Variants in CBX2 observed in about 807,000 individuals in gnomAD.
The protein encoded by CBX2 is chromobox protein homolog 2.
CBX2 carries 11 observed loss-of-function variants against 21.0 expected under a neutral mutation model. The observed-to-expected ratio is 0.52, with a 90% CI of 0.33 to 0.87. The LOEUF (loss-of-function observed/expected upper bound fraction) is 0.87, where lower values mean the gene tolerates loss of function less well. Among genes scored for constraint, CBX2 ranks in the 40% least tolerant of loss-of-function variants. The probability of loss-of-function intolerance (pLI) is 0.02; values close to 1 mark genes in which losing one functional copy is unlikely to be tolerated. For synonymous variants in CBX2, 364 were observed against 304.6 expected (o/e 1.19, Z -2.03); for missense variants, 746 against 724.3 (o/e 1.03, Z -0.34).
At chr17:79,782,092 C>G (rs1568500796) in intron 4 of CBX2, 2 of 1,613,644 alleles carry the variant, frequency 1.2e-6, no homozygotes, top group East Asian at 2.2e-5. Flanking sequence ...GACAAGCACT[C>G]TTCCCTCCCA....
Position 79,784,225 on chromosome 17 carries a change from A to T in CBX2, c.782A>T (p.Asn261Ile). The T allele has an allele frequency of 6.2e-7, 1 of 1,612,888 alleles. No homozygotes were observed. Among genetic ancestry groups the T allele is most frequent in the Non-Finnish European group, 8.5e-7 (1 of 1,179,934 alleles). The change falls in exon 5 of 5, where the codon AAC becomes ATC. Residue 261 changes from asparagine (N) to isoleucine (I), a missense_variant. Physicochemically the swap from Asn to Ile is moderately radical, Grantham distance 149. Around this residue, in one of 2 missense-constraint regions of CBX2, gnomAD observed 701 missense variants for 650.7 expected, o/e 1.08. Transcript: ENST00000310942. This position sits in a 1 kb window ranked among gnomAD's most constrained non-coding sequence, Gnocchi z 5.9. Reference sequence around the variant, plus strand: ...CAGAGCTCCATCGTGCACTACATGAACCGGATGACCCAGAGCCAGGCCCAG... The same window carrying T: ...CAGAGCTCCATCGTGCACTACATGATCCGGATGACCCAGAGCCAGGCCCAG... ...SWQSSIVHYM[N>I]RMTQSQAQAA...
Position 79,778,458 on chromosome 17 carries a change from C to A in CBX2, c.116+31C>A. On this transcript the variant is annotated intron_variant, in intron 2 of 4. Coordinates refer to ENST00000310942, the MANE Select transcript of CBX2 (RefSeq NM_005189.3). This position sits in a 1 kb window ranked among gnomAD's most constrained non-coding sequence, Gnocchi z 4.8. ...TCCCCCGCGACGCCGCGCCCCCCTC[C>A]CGCCCCCTCGCCCGGGGGTGGGGAC... The A allele has an allele frequency of 1.4e-6, 2 of 1,447,952 alleles. No individual in the cohort carries two copies. The highest frequency in any genetic ancestry group is 2.8e-5 in the East Asian group (1 of 36,124). 89.7% of individuals were successfully genotyped at this position (1,447,952 alleles called of 1,614,324 possible).
chr17:79,784,926 C>A lies in CBX2; in HGVS notation c.1483C>A (p.Pro495Thr). The change falls in exon 5 of 5, where the codon CCC (proline) becomes ACC (threonine). Residue 495 changes from proline to threonine, a missense_variant. By Grantham distance (38) the Pro-to-Thr change is conservative (BLOSUM62 -1). Coordinates refer to ENST00000310942, the MANE Select transcript of CBX2 (RefSeq NM_005189.3). This position sits in a 1 kb window ranked among gnomAD's most constrained non-coding sequence, Gnocchi z 5.9. ...VSVQTSQDWKPTRSLIEHVFV... is the reference protein window; with the variant it reads ...VSVQTSQDWKTTRSLIEHVFV... ...CGTTCAGACCAGCCAGGACTGGAAG[C>A]CCACCCGCAGCCTCATCGAGCACGT... The A allele has an allele frequency of 6.2e-7, 1 of 1,613,260 alleles. No homozygotes were observed. Among genetic ancestry groups the A allele is most frequent in the Non-Finnish European group, 8.5e-7 (1 of 1,180,014 alleles).
In CBX2 at chr17:79,778,178, G is replaced by A. The variant is rs1555829299; in HGVS notation, c.-58G>A. 3 of 1,031,312 alleles carry A rather than the reference G, an allele frequency of 2.9e-6. No homozygotes were observed. Among genetic ancestry groups the A allele is most frequent in the East Asian group, 7.8e-5 (2 of 25,756 alleles). The allele number at this position is 1,031,312 out of a possible 1,614,324, so 63.9% of individuals were successfully genotyped here. ...TTTGTGTGCTGCCGGCGGGGCGCGC[G>A]GCGGTCCGGGCGGGTGACTGGCGGC... On this transcript the variant is annotated 5_prime_UTR_variant, in exon 1 of 5. Coordinates refer to ENST00000310942, the MANE Select transcript of CBX2 (RefSeq NM_005189.3). The surrounding 1 kb of genome is among the most constrained non-coding windows in gnomAD (Gnocchi z 4.8).
Position 79,783,904 on chromosome 17 carries a change from C to G in CBX2, c.461C>G (p.Pro154Arg), listed in dbSNP as rs782670017. The part of the protein sequence containing the change: ...QKKAQILVAK[P>R]ELKDPIRKKR... ...AAGGCCCAGATCCTGGTGGCCAAAC[C>G]CGAGCTGAAGGATCCCATCCGGAAG... Residue 154 changes from proline to arginine, a missense_variant, in exon 5 of 5, where the codon CCC becomes CGC. Coordinates refer to ENST00000310942, the MANE Select transcript of CBX2 (RefSeq NM_005189.3). 6.2e-7 allele frequency: 1 copy of G among 1,614,038 alleles called. No homozygotes were observed. The highest frequency in any genetic ancestry group is 8.5e-7 in the Non-Finnish European group (1 of 1,180,032).
chr17:79,781,601 C>A, intron 3 of CBX2, 95 bp from the exon 4 acceptor site: 1 of 1,060,006 alleles, frequency 9.4e-7, no homozygotes, highest in Non-Finnish European at 1.5e-6. Context: ...CTATTACAGG[C>A]CAACAGGAAT....
chr17:79,787,592 G>A lies in CBX2; in HGVS notation c.*2550G>A, dbSNP rs909695820. ...TTTATTTGCTGCTATTTGTGTGTGT[G>A]TTTGTGTTTGTGTAGCTAGGTATCT... is the stretch of plus-strand genomic sequence containing the variant. On this transcript the variant is annotated 3_prime_UTR_variant, in exon 5 of 5. Transcript: ENST00000310942. 6.6e-6 allele frequency: 1 copy of A among 152,466 alleles called. No individual in the cohort carries two copies. The highest frequency in any genetic ancestry group is 2.4e-5 in the African/African-American group (1 of 41,430). 9.4% of individuals were successfully genotyped at this position (152,466 alleles called of 1,614,324 possible).
intron 4 of CBX2, 145 bp downstream of exon 4, chr17:79,781,946 C>T (rs201111156): frequency 1.2e-6 from 2 of 1,614,192 alleles, no homozygotes; most frequent in African/African-American, 2.7e-5. Flanking sequence ...ACAGGAGCCC[C>T]CTTTCTTCCT....
In CBX2 at chr17:79,783,837, A is replaced by T; in HGVS notation, c.394A>T (p.Arg132Trp). The T allele has an allele frequency of 6.2e-7, 1 of 1,611,816 alleles. No individual in the cohort carries two copies. The change falls in exon 5 of 5, where the codon AGG becomes TGG. Residue 132 changes from arginine (R) to tryptophan (W), a missense_variant. Coordinates refer to ENST00000310942, the MANE Select transcript of CBX2 (RefSeq NM_005189.3). ...EEDDSDLDAK[R>W]GPRGRETHPV... ...GGATGACAGTGACTTAGATGCTAAG[A>T]GGGGTCCCCGGGGCCGCGAGACCCA...
rs1484242630 is a variant in CBX2 at position 79,786,521 on chromosome 17, T to TCAA, written c.*1479_*1480insCAA. ...GGTCACGTCTGGGAGCTAGCTTGTA[T>TCAA]GGCTTCTGACCAGTATCAGGATTTC... On this transcript the variant is annotated 3_prime_UTR_variant, in exon 5 of 5. Coordinates refer to ENST00000310942, the MANE Select transcript of CBX2 (RefSeq NM_005189.3). 2 of 152,712 alleles carry TCAA rather than the reference T, an allele frequency of 1.3e-5. No individual in the cohort carries two copies. The highest frequency in any genetic ancestry group is 2.9e-5 in the Non-Finnish European group (2 of 68,100). 9.5% of individuals were successfully genotyped at this position (152,712 alleles called of 1,614,324 possible).
chr17:79,786,671 CTGAT>C lies in CBX2; in HGVS notation c.*1632_*1635del, dbSNP rs1907659653. The C allele has an allele frequency of 6.5e-6, 1 of 152,916 alleles. No homozygotes were observed. Among genetic ancestry groups the C allele is most frequent in the African/African-American group, 2.4e-5 (1 of 41,578 alleles). 9.5% of individuals were successfully genotyped at this position (152,916 alleles called of 1,614,324 possible). A position where few individuals can be genotyped will look rare whatever the true frequency, so the allele number is the denominator to read the frequency against. The stretch of plus-strand genomic sequence containing the variant: ...GGTGGGGTGGGTGCTTTCTGTTCCT[CTGAT>C]TGGATGGAGTCCGCCAGCAGGCATG... On this transcript the variant is annotated 3_prime_UTR_variant, in exon 5 of 5. Coordinates refer to ENST00000310942, the MANE Select transcript of CBX2 (RefSeq NM_005189.3).
At chr17:79,779,174 G>A (rs1253149901) in intron 2 of CBX2, among the ~76,000 whole-genome samples, 188 bp from the exon 3 acceptor site, 2 of 152,196 alleles carry the variant, frequency 1.3e-5, no homozygotes, top group African/African-American at 4.8e-5. Context: ...TGAGGTTAGA[G>A]TGCTGGCTTG....
rs146659712 is a variant in CBX2 at position 79,780,332 on chromosome 17, T to C, written c.182+905T>C. 5.9e-5 allele frequency among the ~76,000 whole-genome samples: 9 copies of C among 152,328 alleles called. No individual in the cohort carries two copies. In the East Asian group the frequency reaches 1.3e-3, roughly 23 times the overall value. On this transcript the variant is annotated intron_variant, in intron 3 of 4. Coordinates refer to ENST00000310942, the MANE Select transcript of CBX2 (RefSeq NM_005189.3). ...CTTTTTTCCACTGTAGCGGGACATA[T>C]TGGGTCTTCCCAGAGGGGTCATGAT... is the stretch of plus-strand genomic sequence containing the variant.
rs370349052 is a variant in CBX2 at position 79,784,034 on chromosome 17, C to T, written c.591C>T (p.Ala197=). The change falls in exon 5 of 5, where the codon GCC becomes GCT. Residue 197 remains alanine (A), a synonymous_variant. Transcript: ENST00000310942. This position sits in a 1 kb window ranked among gnomAD's most constrained non-coding sequence, Gnocchi z 5.9. ...KTARKDLGAP[A]SKLPPPLSAP... The stretch of plus-strand genomic sequence containing the variant: ...CCCGGAAGGATCTGGGGGCCCCGGC[C>T]AGCAAGCTGCCCCCTCCACTCAGCG... The T allele has an allele frequency of 6.2e-7, 1 of 1,612,830 alleles. No homozygotes were observed. The highest frequency in any genetic ancestry group is 8.5e-7 in the Non-Finnish European group (1 of 1,179,946).
chr17:79,782,151 T>G, intron 4 of CBX2: 1 of 1,612,710 alleles, frequency 6.2e-7, no homozygotes, highest in Non-Finnish European at 8.5e-7. Context: ...GTACAGTAGG[T>G]GCTCATAGGA....
rs1555831102 is a variant in CBX2 at position 79,784,153 on chromosome 17, T to C, written c.710T>C (p.Leu237Pro). ...AMATPENLAS[L>P]MKGMASSPGR... ...GCCACCCCAGAGAACCTGGCCAGCC[T>C]AATGAAGGGCATGGCCAGTAGCCCC... Residue 237 changes from leucine (L) to proline (P), a missense_variant, in exon 5 of 5, where the codon CTA becomes CCA. Coordinates refer to ENST00000310942, the MANE Select transcript of CBX2 (RefSeq NM_005189.3). This position sits in a 1 kb window ranked among gnomAD's most constrained non-coding sequence, Gnocchi z 5.9. 1 of 1,612,438 alleles carries C rather than the reference T, an allele frequency of 6.2e-7. No individual in the cohort carries two copies. The highest frequency in any genetic ancestry group is 8.5e-7 in the Non-Finnish European group (1 of 1,179,846).
rs575656805 is a variant in CBX2 at position 79,787,950 on chromosome 17, T to TAAA, written c.*2916_*2918dup. 7 of 150,158 alleles carry TAAA rather than the reference T, an allele frequency of 4.7e-5. No individual in the cohort carries two copies. The highest frequency in any genetic ancestry group is 1.7e-4 in the African/African-American group (7 of 40,914). 9.3% of individuals were successfully genotyped at this position (150,158 alleles called of 1,614,324 possible). ...ACTGGCTTGATTTGTGTTTTTTAAT[T>TAAA]AAAAAAAAAATCATTCATGTATGCC... On this transcript the variant is annotated 3_prime_UTR_variant, in exon 5 of 5. Transcript: ENST00000310942.
Position 79,787,964 on chromosome 17 carries a change from T to TA in CBX2, c.*2922_*2923insA, listed in dbSNP as rs1435596353. ...TGTTTTTTAATTAAAAAAAAAATCA[T>TA]TCATGTATGCCACTTCTAATTGCTT... On this transcript the variant is annotated 3_prime_UTR_variant, in exon 5 of 5. Coordinates refer to ENST00000310942, the MANE Select transcript of CBX2 (RefSeq NM_005189.3). 2.0e-5 allele frequency: 3 copies of TA among 152,280 alleles called. No homozygotes were observed. In the East Asian group the frequency reaches 5.8e-4, roughly 29 times the overall value. The allele number at this position is 152,280 out of a possible 1,614,324, so 9.4% of individuals were successfully genotyped here.
upstream of CBX2, chr17:79,778,096 G>GGCGCGGAGCGGCGGTGCGCGT (rs1338860437): frequency 2.6e-5 from 5 of 192,614 alleles, no homozygotes; most frequent in Non-Finnish European, 4.6e-5. This position sits in a 1 kb window ranked among gnomAD's most constrained non-coding sequence, Gnocchi z 4.8. Flanking sequence ...CCGGGGCGCG[G>GGCGCGGAGCGGCGGTGCGCGT]GCGCGGAGCG....
Sources: gnomAD v4.1 joint callset for allele counts (sites outside exome capture counted in the v4.1 genomes callset) on GRCh38, gnomAD v4.1.1 for gene constraint, gnomAD v4.1.1 regional missense constraint, Gnocchi (gnomAD v3.1) non-coding constraint, MANE v1.5 for transcripts, NCBI Gene and HGNC (gene_info 2026-07-23, HGNC 2026-07-21) for gene names.